DLGAP1: variants seen among roughly 807,000 people sequenced by gnomAD.
The protein encoded by DLGAP1 is disks large-associated protein 1.
In DLGAP1, 11 loss-of-function variants were observed where a neutral mutation model predicts 90.8. That is an observed-to-expected ratio of 0.12 (90% CI 0.08 to 0.20). The LOEUF is 0.20. DLGAP1 is among the 10% of genes least tolerant of loss of function. The pLI is 1.00. For synonymous variants in DLGAP1, 558 were observed against 540.7 expected (o/e 1.03, Z -0.44); for missense variants, 1,050 against 1,333.8 (o/e 0.79, Z 3.31).
intron 3 of DLGAP1, among the ~76,000 whole-genome samples, chr18:3,953,509 T>C (rs1276831881): frequency 1.3e-5 from 2 of 152,222 alleles, no homozygotes. Context: ...GTAAAAGACA[T>C]GATTTCATTC....
chr18:3,893,581 AAAT>A (rs57334634), intron 3 of DLGAP1, among the ~76,000 whole-genome samples: 19,269 of 142,916 alleles, frequency 0.13, 1,298 homozygotes, highest in Admixed American at 0.17. Context: ...CTCAATCTCA[AAAT>A]AATAATAATA....
intron 10 of DLGAP1, among the ~76,000 whole-genome samples, chr18:3,518,389 A>G (rs1301457358): frequency 6.6e-6 from 1 of 152,240 alleles, no homozygotes; most frequent in African/African-American, 2.4e-5. Flanking sequence ...AGCAGATAGA[A>G]TAATAATGAA....
intron 1 of DLGAP1, among the ~76,000 whole-genome samples, chr18:4,259,605 T>C (rs1598745193): frequency 1.3e-5 from 2 of 152,198 alleles, no homozygotes; most frequent in Non-Finnish European, 2.9e-5. Context: ...TCTCTAGAGA[T>C]AAACCAGATT....
intron 1 of DLGAP1, among the ~76,000 whole-genome samples, chr18:4,415,050 CACAT>C (rs946460813): frequency 8.6e-6 from 1 of 116,108 alleles, no homozygotes; most frequent in African/African-American, 3.4e-5. Flanking sequence ...CACACACACA[CACAT>C]ACACATATAT....
rs551484047 is a variant in DLGAP1, at chr18:3,716,316, A to C, written c.1591+12819T>G. 2.0e-3 allele frequency among the ~76,000 whole-genome samples: 298 copies of C among 152,312 alleles called. 3 individuals carry two copies. Among genetic ancestry groups the C allele is most frequent in the Non-Finnish European group, 1.9e-3 (126 of 68,022 alleles). Reference sequence around the variant, plus strand: ...GTAATCCCAGCATTTTGGGAGGCTAAGGTGGGAGGACTGCTTGAGACCAGC... The same window carrying C: ...GTAATCCCAGCATTTTGGGAGGCTACGGTGGGAGGACTGCTTGAGACCAGC... On this transcript the variant is annotated intron_variant, in intron 7 of 12. Transcript: ENST00000315677.
intron 1 of DLGAP1, among the ~76,000 whole-genome samples, chr18:4,212,699 T>C (rs1026603459): frequency 1.3e-5 from 2 of 151,870 alleles, no homozygotes; most frequent in African/African-American, 2.4e-5. Flanking sequence ...AATAGCTTAA[T>C]TGGTATACTT....
intron 2 of DLGAP1, among the ~76,000 whole-genome samples, chr18:4,058,662 T>C (rs1031990150): frequency 6.6e-6 from 1 of 152,250 alleles, no homozygotes; most frequent in African/African-American, 2.4e-5. Flanking sequence ...ATTCCTCTCT[T>C]GAATCCAACA....
chr18:3,702,992 G>C (rs185125924), intron 7 of DLGAP1, among the ~76,000 whole-genome samples: 1 of 152,300 alleles, frequency 6.6e-6, no homozygotes, highest in East Asian at 1.9e-4. Flanking sequence ...AGGCAAGCAA[G>C]GGTCTCTGGA....
chr18:4,042,432 T>C (rs2074988473), intron 2 of DLGAP1, among the ~76,000 whole-genome samples: 1 of 152,220 alleles, frequency 6.6e-6, no homozygotes, highest in Non-Finnish European at 1.5e-5. Context: ...AGGCAGTTAT[T>C]TTTCACCAAG....
At chr18:4,175,963 G>T (rs1445740956) in intron 1 of DLGAP1, among the ~76,000 whole-genome samples, 1 of 152,194 alleles carries the variant, frequency 6.6e-6, no homozygotes, top group Non-Finnish European at 1.5e-5. Context: ...ATTCTGCGAA[G>T]AAAGTCAGTG....
chr18:3,854,110 C>T (rs1276863216), intron 4 of DLGAP1, among the ~76,000 whole-genome samples: 1 of 151,864 alleles, frequency 6.6e-6, no homozygotes, highest in Non-Finnish European at 1.5e-5. Context: ...TTTATGAACC[C>T]CTCCCCCTAA....
intron 1 of DLGAP1, among the ~76,000 whole-genome samples, chr18:4,448,851 C>T (rs280988): frequency 0.32 from 48,647 of 152,100 alleles, 8,256 homozygotes; most frequent in South Asian, 0.42. Context: ...CCCACATCTA[C>T]GTACCTACAT....
chr18:3,743,461 TCTC>T (rs1454842073), intron 5 of DLGAP1, among the ~76,000 whole-genome samples: 1 of 151,682 alleles, frequency 6.6e-6, no homozygotes, highest in Non-Finnish European at 1.5e-5. Context: ...TTCATGCCAT[TCTC>T]CTGCCTCAGC....
chr18:4,374,768 T>C (rs1440173482), intron 1 of DLGAP1, among the ~76,000 whole-genome samples: 1 of 152,122 alleles, frequency 6.6e-6, no homozygotes, highest in Non-Finnish European at 1.5e-5. Flanking sequence ...AGTCACGTGG[T>C]GTGACAAATA....
chr18:3,764,916 G>A (rs2064148046), intron 5 of DLGAP1, among the ~76,000 whole-genome samples: 1 of 152,084 alleles, frequency 6.6e-6, no homozygotes, highest in African/African-American at 2.4e-5. Context: ...AATTGGGCAG[G>A]AAATGAGAAT....
At chr18:3,795,922 T>G (rs1301662139) in intron 5 of DLGAP1, among the ~76,000 whole-genome samples, 2 of 152,170 alleles carry the variant, frequency 1.3e-5, no homozygotes, top group Admixed American at 1.3e-4. Flanking sequence ...CATCTGGCAG[T>G]GCTGGGAGGA....
At position 3,893,620 on chromosome 18, in the gene DLGAP1, T is replaced by TAAG. The variant is rs200944287; in HGVS notation, c.-72-13483_-72-13481dup. Among the ~76,000 whole-genome samples, 17 of 143,424 alleles carry TAAG rather than the reference T, an allele frequency of 1.2e-4. No homozygotes were observed. In the South Asian group the frequency reaches 1.3e-3, roughly 11 times the overall value. The allele number at this position is 143,424 out of a possible 152,430, so 94.1% of individuals were successfully genotyped here. On this transcript the variant is annotated intron_variant, in intron 3 of 12. Transcript: ENST00000315677. ...ATAATAATAATAATAATAATAATAA[T>TAAG]AAGAACAATTCAATCATCTATTGGT...
intron 8 of DLGAP1, among the ~76,000 whole-genome samples, chr18:3,574,840 A>C (rs2055020603): frequency 6.8e-6 from 1 of 146,908 alleles, no homozygotes. Context: ...TTTGAGACAG[A>C]GTCTGGCTCT....
chr18:3,783,462 A>G (rs2065298865), intron 5 of DLGAP1, among the ~76,000 whole-genome samples: 1 of 152,236 alleles, frequency 6.6e-6, no homozygotes, highest in African/African-American at 2.4e-5. Flanking sequence ...AATACTATGC[A>G]GCTCTAAAAA....
Sources: gnomAD v4.1 joint callset for allele counts (sites outside exome capture counted in the v4.1 genomes callset) on GRCh38, gnomAD v4.1.1 for gene constraint, MANE v1.5 for transcripts, NCBI Gene and HGNC (gene_info 2026-07-23, HGNC 2026-07-21) for gene names.